The following C8orf89 variants were observed in gnomAD, a reference collection of about 807,000 sequenced individuals.
The protein encoded by C8orf89 is chromosome 8 open reading frame 89.
In C8orf89, 14 loss-of-function variants were observed where a neutral mutation model predicts 15.8. The ratio of observed to expected loss-of-function variants is 0.89; its 90% CI spans 0.59 to 1.39. The LOEUF is 1.39. Among genes scored for constraint, C8orf89 ranks in the 40% most tolerant of loss-of-function variants. The pLI is 0.00. For missense variants in C8orf89, 181 were observed against 184.5 expected (o/e 0.98, Z 0.11); for synonymous variants, 55 against 62.2 (o/e 0.88, Z 0.54).
At chr8:73,285,083 T>C in the C8orf89 span, among the ~76,000 whole-genome samples, 2 of 152,152 alleles carry the variant, frequency 1.3e-5, no homozygotes, top group East Asian at 1.9e-4. Context: ...AAAGTAAAAT[T>C]GGCAACAGAA....
At chr8:73,272,036 A>G in the C8orf89 span, among the ~76,000 whole-genome samples, 3 of 152,222 alleles carry the variant, frequency 2.0e-5, no homozygotes, top group Admixed American at 2.0e-4. Context: ...TATCATAATC[A>G]TCATGATTAT....
At chr8:73,250,173 T>C (rs1813216038) in intron 3 of C8orf89, 95 bp downstream of exon 3, 2 of 717,646 alleles carry the variant, frequency 2.8e-6, no homozygotes, top group Admixed American at 2.8e-5. Flanking sequence ...AAAACAAAGA[T>C]AATTAATCAA....
chr8:73,277,971 C>G, the C8orf89 span: 3 of 642,952 alleles, frequency 4.7e-6, no homozygotes, highest in Non-Finnish European at 8.9e-6. Flanking sequence ...AATGCCAAGG[C>G]AGCAGCCCCC....
At chr8:73,244,872 A>G (rs1420069722) in intron 3 of C8orf89, among the ~76,000 whole-genome samples, 1 of 152,242 alleles carries the variant, frequency 6.6e-6, no homozygotes, top group African/African-American at 2.4e-5. Flanking sequence ...GTTAATAATA[A>G]GATAAATTTA....
the C8orf89 span, among the ~76,000 whole-genome samples, chr8:73,283,422 T>A: frequency 6.6e-6 from 1 of 152,194 alleles, no homozygotes; most frequent in African/African-American, 2.4e-5. Context: ...TAATCTTAAA[T>A]GTGCCCCTCA....
chr8:73,248,711 G>A (rs904057537), intron 3 of C8orf89, among the ~76,000 whole-genome samples: 1 of 152,134 alleles, frequency 6.6e-6, no homozygotes, highest in African/African-American at 2.4e-5. Flanking sequence ...AATTGTAAAT[G>A]GGATTGTGTT....
chr8:73,256,430 A>C (rs890975672), intron 2 of C8orf89, among the ~76,000 whole-genome samples: 1 of 151,980 alleles, frequency 6.6e-6, no homozygotes, highest in African/African-American at 2.4e-5. Flanking sequence ...GGTTTTTTTT[A>C]AAATGCCCTT....
rs113427990 is a variant in C8orf89 at position 73,248,228 on chromosome 8, T to A, written c.337+2040A>T. 7.9e-3 allele frequency among the ~76,000 whole-genome samples: 1,196 copies of A among 152,188 alleles called. 17 individuals carry two copies. The highest frequency in any genetic ancestry group is 0.027 in the African/African-American group (1,120 of 41,560). ...TCCCCATTGCTTGTTTTTGTCAGCTTTGTTGAAAATCAGATAGTTGTAGGT... is the reference window on the plus strand; with the variant it reads ...TCCCCATTGCTTGTTTTTGTCAGCTATGTTGAAAATCAGATAGTTGTAGGT... On this transcript the variant is annotated intron_variant, in intron 3 of 3. Coordinates refer to ENST00000624510, the MANE Select transcript of C8orf89 (RefSeq NM_001243237.3).
At chr8:73,249,806 A>G (rs935696157) in intron 3 of C8orf89, among the ~76,000 whole-genome samples, 1 of 152,200 alleles carries the variant, frequency 6.6e-6, no homozygotes, top group Non-Finnish European at 1.5e-5. Context: ...AGTACACAGG[A>G]TTCACAAAAA....
At position 73,257,038 on chromosome 8, in the gene C8orf89, T is replaced by TA. The variant is rs1813410443; in HGVS notation, c.215dup (p.Ser73LysfsTer9). 6.5e-7 allele frequency: 1 copy of TA among 1,535,802 alleles called. No individual in the cohort carries two copies. The highest frequency in any genetic ancestry group is 2.0e-5 in the Admixed American group (1 of 50,966). ...TAGGAACCTCTAGTGGAGTTGAACT[T>TA]ACACTTTTTTGGCAACTTTGCAGTC... On this transcript the variant is annotated frameshift_variant, in exon 2 of 4. Coordinates refer to ENST00000624510, the MANE Select transcript of C8orf89 (RefSeq NM_001243237.3). LOFTEE classifies it high-confidence loss of function.
chr8:73,273,269 T>C, the C8orf89 span, among the ~76,000 whole-genome samples: 2 of 152,194 alleles, frequency 1.3e-5, no homozygotes, highest in African/African-American at 4.8e-5. Flanking sequence ...GCTGCAGACC[T>C]GGGCATCCCT....
chr8:73,274,373 A>G, the C8orf89 span, among the ~76,000 whole-genome samples: 358 of 152,140 alleles, frequency 2.4e-3, 2 homozygotes, highest in African/African-American at 7.9e-3. Context: ...GGATGGTCTC[A>G]ACCTCCTGAC....
At chr8:73,275,231 C>CTTTTTTTTTTTTTTTTTTTTTT in the C8orf89 span, among the ~76,000 whole-genome samples, 1 of 84,744 alleles carries the variant, frequency 1.2e-5, no homozygotes, top group Non-Finnish European at 2.1e-5. Flanking sequence ...TGTAATAGTT[C>CTTTTTTTTTTTTTTTTTTTTTT]TTTTTTTTTT....
chr8:73,272,253 C>G, the C8orf89 span, among the ~76,000 whole-genome samples: 1 of 152,004 alleles, frequency 6.6e-6, no homozygotes, highest in Non-Finnish European at 1.5e-5. Flanking sequence ...TTTTTCCTTT[C>G]TCCTCTCTCC....
At chr8:73,275,201 C>T in the C8orf89 span, among the ~76,000 whole-genome samples, 1 of 146,910 alleles carries the variant, frequency 6.8e-6, no homozygotes, top group Admixed American at 6.8e-5. Flanking sequence ...TTTTTGTTTA[C>T]CCACATTCTT....
At chr8:73,262,939 C>T (rs183126306), upstream of C8orf89, among the ~76,000 whole-genome samples, 9 of 152,092 alleles carry the variant, frequency 5.9e-5, no homozygotes, top group East Asian at 3.9e-4. Flanking sequence ...CCTGTAAACA[C>T]GGTCTCTACC....
chr8:73,253,505 G>C (rs987724405), intron 2 of C8orf89, among the ~76,000 whole-genome samples: 1 of 151,540 alleles, frequency 6.6e-6, no homozygotes, highest in African/African-American at 2.4e-5. Flanking sequence ...GGATGGCATT[G>C]AATCTATAAA....
upstream of C8orf89, among the ~76,000 whole-genome samples, chr8:73,260,187 A>G (rs1345671681): frequency 6.6e-6 from 1 of 152,242 alleles, no homozygotes; most frequent in African/African-American, 2.4e-5. Context: ...ATGCTAAGCA[A>G]AACAGTCCCT....
intron 2 of C8orf89, among the ~76,000 whole-genome samples, chr8:73,253,569 C>T (rs1813298236): frequency 6.6e-6 from 1 of 151,582 alleles, no homozygotes; most frequent in South Asian, 2.1e-4. Context: ...TACCCATGAG[C>T]ATGGAATGTT....
Sources: gnomAD v4.1 joint callset for allele counts (sites outside exome capture counted in the v4.1 genomes callset) on GRCh38, gnomAD v4.1.1 for gene constraint, MANE v1.5 for transcripts, NCBI Gene and HGNC (gene_info 2026-07-23, HGNC 2026-07-21) for gene names.